KDM4C: variants seen among roughly 807,000 people sequenced by gnomAD.
The protein encoded by KDM4C is lysine-specific demethylase 4C.
A neutral mutation model predicts 129.3 loss-of-function variants in KDM4C; 81 were observed. The observed-to-expected ratio is 0.63, with a 90% confidence interval of 0.52 to 0.75. The LOEUF (loss-of-function observed/expected upper bound fraction) is 0.75. Ranked by LOEUF, KDM4C falls within the 30% of genes least tolerant of loss-of-function variation. The probability of loss-of-function intolerance (pLI) is 0.00; values close to 1 mark genes in which losing one functional copy is unlikely to be tolerated. For missense variants in KDM4C, 1,457 were observed against 1,304.0 expected, an observed-to-expected ratio of 1.12 and a Z score of -1.81; for synonymous variants, 573 against 456.1, an observed-to-expected ratio of 1.26 and a Z score of -3.26.
intron 1 of KDM4C, among the ~76,000 whole-genome samples, chr9:6,732,385 AAAAAAAAAAAAAAAAAGAAT>A (rs1817376303): frequency 1.4e-5 from 2 of 143,954 alleles, no homozygotes; most frequent in African/African-American, 5.2e-5. Context: ...AAAAAAAAAA[AAAAAAAAAAAAAAAAAGAAT>A]GAGGCCGGAA....
intron 8 of KDM4C, among the ~76,000 whole-genome samples, chr9:6,949,338 G>C (rs568342803): frequency 6.6e-6 from 1 of 151,758 alleles, no homozygotes; most frequent in African/African-American, 2.4e-5. Context: ...GATGGCGGCC[G>C]GGAAGAGGCG....
At chr9:6,806,426 A>G (rs1829969562) in intron 3 of KDM4C, among the ~76,000 whole-genome samples, 1 of 152,030 alleles carries the variant, frequency 6.6e-6, no homozygotes. Context: ...CCTGGGAGAC[A>G]GAGGTTGCAG....
intron 4 of KDM4C, among the ~76,000 whole-genome samples, chr9:6,838,666 CAGAA>C (rs1010212335): frequency 1.4e-4 from 21 of 152,074 alleles, no homozygotes; most frequent in African/African-American, 4.8e-4. Flanking sequence ...AATTCTAAAA[CAGAA>C]AGCAGTGCTG....
intron 1 of KDM4C, among the ~76,000 whole-genome samples, chr9:6,780,412 A>G (rs531238037): frequency 4.1e-4 from 63 of 151,926 alleles, no homozygotes; most frequent in Non-Finnish European, 7.6e-4. Flanking sequence ...ATTCTGGCTC[A>G]TATTGCTTCT....
chr9:6,958,278 T>G lies in KDM4C; in HGVS notation c.922-22647T>G, dbSNP rs552501055. Reference sequence around the variant, plus strand: ...ATTATTTAACTACTGTGACAGCAGCTAAGGATAAGAATTATATCACATTGA... The same window carrying G: ...ATTATTTAACTACTGTGACAGCAGCGAAGGATAAGAATTATATCACATTGA... On this transcript the variant is annotated intron_variant, in intron 8 of 21. Coordinates refer to ENST00000381309, the MANE Select transcript of KDM4C (RefSeq NM_015061.6). 1.3e-3 allele frequency among the ~76,000 whole-genome samples: 203 copies of G among 152,234 alleles called. 5 individuals carry two copies. In the South Asian group the frequency reaches 0.039, roughly 29 times the overall value.
chr9:6,800,172 A>T (rs1399850807), intron 2 of KDM4C, among the ~76,000 whole-genome samples: 2 of 152,136 alleles, frequency 1.3e-5, no homozygotes, highest in South Asian at 2.1e-4. Flanking sequence ...GTTTGAGACC[A>T]ACCTGGACAA....
At chr9:6,960,101 C>T (rs1486644796) in intron 8 of KDM4C, among the ~76,000 whole-genome samples, 1 of 151,796 alleles carries the variant, frequency 6.6e-6, no homozygotes, top group Non-Finnish European at 1.5e-5. Flanking sequence ...GGGTCAAGAC[C>T]TTCCCAAAGT....
At chr9:7,149,290 C>T (rs1842509037) in intron 19 of KDM4C, among the ~76,000 whole-genome samples, 4 of 152,248 alleles carry the variant, frequency 2.6e-5, no homozygotes, top group South Asian at 2.1e-4. Flanking sequence ...TATCAAGACA[C>T]GATGGCAACT....
At chr9:6,756,336 C>T (rs976534007), upstream of KDM4C, among the ~76,000 whole-genome samples, 2 of 152,196 alleles carry the variant, frequency 1.3e-5, no homozygotes, top group African/African-American at 4.8e-5. Context: ...TTTAGCATAT[C>T]CAATTTACTT....
At chr9:7,119,651 G>A (rs1839288636) in intron 18 of KDM4C, among the ~76,000 whole-genome samples, 1 of 151,278 alleles carries the variant, frequency 6.6e-6, no homozygotes, top group South Asian at 2.1e-4. Flanking sequence ...AAAAAAGAAA[G>A]AAAAACAAGT....
chr9:7,035,837 G>GATGT (rs1160764602), intron 15 of KDM4C, among the ~76,000 whole-genome samples: 2 of 152,136 alleles, frequency 1.3e-5, no homozygotes, highest in African/African-American at 4.8e-5. Context: ...CTGTTCCCTT[G>GATGT]ATGTATGTGT....
In KDM4C at chr9:7,003,123, C is replaced by T. The variant is rs561760431; in HGVS notation, c.1787-8575C>T. Reference sequence around the variant, plus strand: ...TCAAGTGATCCATCTGCCTCGCCCTCCCAAAGTGCCAGGATTACAGACGTG... The same window carrying T: ...TCAAGTGATCCATCTGCCTCGCCCTTCCAAAGTGCCAGGATTACAGACGTG... On this transcript the variant is annotated intron_variant, in intron 12 of 21. Transcript: ENST00000381309. 3.9e-3 allele frequency among the ~76,000 whole-genome samples: 599 copies of T among 152,314 alleles called. 3 individuals are homozygous for T. The highest frequency in any genetic ancestry group is 0.01 in the Middle Eastern group (3 of 294).
intron 16 of KDM4C, among the ~76,000 whole-genome samples, 158 bp downstream of exon 16, chr9:7,047,075 T>C (rs1829510875): frequency 6.6e-6 from 1 of 152,090 alleles, no homozygotes; most frequent in Admixed American, 6.6e-5. Flanking sequence ...AGACTTCTAC[T>C]GTTTGCACTC....
chr9:6,774,301 T>C (rs1822540503), intron 1 of KDM4C, among the ~76,000 whole-genome samples: 1 of 152,210 alleles, frequency 6.6e-6, no homozygotes, highest in Admixed American at 6.5e-5. Flanking sequence ...TTAGGTAATA[T>C]ACAAACATAT....
At chr9:6,909,394 A>T (rs1266449986) in intron 8 of KDM4C, among the ~76,000 whole-genome samples, 1 of 152,244 alleles carries the variant, frequency 6.6e-6, no homozygotes, top group South Asian at 2.1e-4. Context: ...GCTGTAGATC[A>T]TTAATCTGGG....
At chr9:7,001,560 C>G (rs1468741011) in intron 12 of KDM4C, among the ~76,000 whole-genome samples, 1 of 152,128 alleles carries the variant, frequency 6.6e-6, no homozygotes, top group Non-Finnish European at 1.5e-5. Flanking sequence ...TGTATGCTCC[C>G]CTGAATAGTC....
intron 17 of KDM4C, among the ~76,000 whole-genome samples, chr9:7,098,909 A>G (rs867491050): frequency 1.3e-5 from 2 of 152,166 alleles, no homozygotes; most frequent in Non-Finnish European, 2.9e-5. Flanking sequence ...TTAAAAATCA[A>G]AGGATTCTAT....
intron 8 of KDM4C, chr9:6,948,223 TAC>T (rs1470893186): frequency 6.6e-6 from 1 of 152,364 alleles, no homozygotes; most frequent in African/African-American, 2.4e-5. Context: ...TTTTGTGACT[TAC>T]ACAGTTATTT....
chr9:6,813,200 A>G (rs1438032744), intron 3 of KDM4C, among the ~76,000 whole-genome samples: 1 of 152,116 alleles, frequency 6.6e-6, no homozygotes, highest in African/African-American at 2.4e-5. Context: ...AAAACATTAA[A>G]AAAAAAATTT....
Sources: allele counts gnomAD v4.1 joint callset (sites outside exome capture counted in the v4.1 genomes callset), GRCh38; gene constraint gnomAD v4.1.1; transcripts MANE v1.5; gene names NCBI Gene and HGNC (gene_info 2026-07-23, HGNC 2026-07-21).